The following CCDC85A variants were observed in gnomAD, a reference collection of about 807,000 sequenced individuals.
CCDC85A encodes the protein coiled-coil domain containing 85A, also known as coiled-coil domain-containing protein 85A.
A neutral mutation model predicts 50.2 loss-of-function variants in CCDC85A; 38 were observed. That is an observed-to-expected ratio of 0.76 (90% confidence interval 0.58 to 0.99). The LOEUF (loss-of-function observed/expected upper bound fraction) is 0.99, where lower values mean the gene tolerates loss of function less well. CCDC85A is among the 50% of genes least tolerant of loss of function. The pLI, the probability that CCDC85A is intolerant of heterozygous loss-of-function variation, is 0.00. For synonymous variants in CCDC85A, 366 were observed against 301.4 expected, an observed-to-expected ratio of 1.21 and a Z score of -2.22; for missense variants, 820 against 742.0, an observed-to-expected ratio of 1.11 and a Z score of -1.22.
chr2:56,357,159 T>C (rs1370306841), intron 3 of CCDC85A, among the ~76,000 whole-genome samples: 1 of 152,056 alleles, frequency 6.6e-6, no homozygotes, highest in Non-Finnish European at 1.5e-5. Context: ...CATTGATTCA[T>C]TGATTTTATT....
intron 2 of CCDC85A, among the ~76,000 whole-genome samples, chr2:56,231,593 T>C (rs55907338): frequency 0.02 from 3,092 of 152,250 alleles, 51 homozygotes; most frequent in South Asian, 0.047. Flanking sequence ...TAAAAGAACT[T>C]AGCCTTGGCA....
In CCDC85A at chr2:56,275,463, TTTAACATCATATAGACCTTACACCAGC is replaced by T. The variant is rs1345760573; in HGVS notation, c.1241-67414_1241-67388del. Among the ~76,000 whole-genome samples the T allele has an allele frequency of 4.5e-5, 3 of 66,772 alleles. No homozygotes were observed. The East Asian group carries it at 4.2e-3, about 95-fold the overall frequency. The allele number at this position is 66,772 out of a possible 152,430, so 43.8% of individuals were successfully genotyped here. A position where few individuals can be genotyped will look rare whatever the true frequency, so the allele number is the denominator to read the frequency against. Reference sequence around the variant, plus strand: ...TAAAGAGAATCAGTTACACCAGCTATTTAACATCATATAGACCTTACACCAGCTATTTAACATCATATAGACCACTCA... The same window carrying T: ...TAAAGAGAATCAGTTACACCAGCTATTATTTAACATCATATAGACCACTCA... On this transcript the variant is annotated intron_variant, in intron 2 of 5. Transcript: ENST00000407595.
intron 2 of CCDC85A, among the ~76,000 whole-genome samples, chr2:56,314,437 G>A (rs910428280): frequency 4.6e-5 from 7 of 151,932 alleles, no homozygotes; most frequent in African/African-American, 9.7e-5. Context: ...ATTTTGCAAC[G>A]TATGACTTGT....
chr2:56,214,706 C>T (rs1677321799), intron 2 of CCDC85A, among the ~76,000 whole-genome samples: 1 of 151,840 alleles, frequency 6.6e-6, no homozygotes, highest in Non-Finnish European at 1.5e-5. Context: ...GGGTCTGTTT[C>T]TGAGCTCTGT....
chr2:56,365,678 T>A (rs1180074535), intron 3 of CCDC85A, among the ~76,000 whole-genome samples: 1 of 152,236 alleles, frequency 6.6e-6, no homozygotes, highest in Non-Finnish European at 1.5e-5. Flanking sequence ...GTGTACAACA[T>A]GATGTTTTAA....
At chr2:56,336,979 C>T (rs1674105210) in intron 2 of CCDC85A, among the ~76,000 whole-genome samples, 1 of 152,116 alleles carries the variant, frequency 6.6e-6, no homozygotes, top group East Asian at 1.9e-4. Flanking sequence ...AGTAATGAAA[C>T]ACAATTGTTT....
chr2:56,245,208 A>G (rs913901790), intron 2 of CCDC85A, among the ~76,000 whole-genome samples: 6 of 152,202 alleles, frequency 3.9e-5, no homozygotes, highest in Non-Finnish European at 8.8e-5. Context: ...ACAGTACTTT[A>G]GCCTGCAGTG....
At chr2:56,264,816 A>C (rs1395827863) in intron 2 of CCDC85A, among the ~76,000 whole-genome samples, 2 of 151,984 alleles carry the variant, frequency 1.3e-5, no homozygotes, top group Non-Finnish European at 2.9e-5. Flanking sequence ...CACCTCACTC[A>C]TTCCTCTCCA....
intron 2 of CCDC85A, among the ~76,000 whole-genome samples, chr2:56,205,834 G>C (rs957548935): frequency 1.3e-5 from 2 of 152,182 alleles, no homozygotes; most frequent in Non-Finnish European, 1.5e-5. Context: ...GTCCATGGAA[G>C]GAGGTAAGTA....
chr2:56,238,540 G>C (rs1394551354), intron 2 of CCDC85A, among the ~76,000 whole-genome samples: 2 of 151,984 alleles, frequency 1.3e-5, no homozygotes, highest in African/African-American at 4.8e-5. Context: ...AGCCTGTGTA[G>C]CCCATATTTT....
At chr2:56,266,420 AAT>A (rs1439543897) in intron 2 of CCDC85A, among the ~76,000 whole-genome samples, 2 of 152,164 alleles carry the variant, frequency 1.3e-5, no homozygotes, top group Admixed American at 6.5e-5. Flanking sequence ...AAGCAAACCA[AAT>A]AGCTAAAACA....
chr2:56,336,663 A>G (rs913178447), intron 2 of CCDC85A, among the ~76,000 whole-genome samples: 1 of 152,220 alleles, frequency 6.6e-6, no homozygotes, highest in South Asian at 2.1e-4. Flanking sequence ...TTTCAAGGAT[A>G]GGTGTTCTGT....
chr2:56,377,892 A>G (rs1354851251), intron 5 of CCDC85A, among the ~76,000 whole-genome samples: 1 of 151,960 alleles, frequency 6.6e-6, no homozygotes, highest in East Asian at 1.9e-4. Flanking sequence ...CGTCTCAAAA[A>G]AAAAAAAAAA....
intron 2 of CCDC85A, among the ~76,000 whole-genome samples, chr2:56,290,684 A>G (rs1182485867): frequency 1.3e-5 from 2 of 152,246 alleles, no homozygotes; most frequent in Non-Finnish European, 2.9e-5. Context: ...TTAATGTTTC[A>G]AATTTTATCA....
intron 2 of CCDC85A, among the ~76,000 whole-genome samples, chr2:56,263,509 T>C (rs1388906354): frequency 6.6e-6 from 1 of 152,164 alleles, no homozygotes; most frequent in Non-Finnish European, 1.5e-5. Context: ...CCAGGATATT[T>C]CCAAGAATGG....
intron 2 of CCDC85A, among the ~76,000 whole-genome samples, chr2:56,334,470 A>G (rs1383324986): frequency 1.3e-5 from 2 of 152,238 alleles, no homozygotes; most frequent in African/African-American, 2.4e-5. Flanking sequence ...TAGGTAGAGA[A>G]ATCACAAGAC....
chr2:56,328,878 C>A (rs1421744572), intron 2 of CCDC85A, among the ~76,000 whole-genome samples: 1 of 151,788 alleles, frequency 6.6e-6, no homozygotes, highest in Non-Finnish European at 1.5e-5. Flanking sequence ...TCAGTGGTCA[C>A]CCTCTCTCAT....
At chr2:56,197,240 G>C (rs971638298) in intron 2 of CCDC85A, among the ~76,000 whole-genome samples, 3 of 152,158 alleles carry the variant, frequency 2.0e-5, no homozygotes, top group Non-Finnish European at 2.9e-5. Flanking sequence ...TTTTGGACCA[G>C]ATAATTCTTT....
intron 3 of CCDC85A, among the ~76,000 whole-genome samples, chr2:56,351,115 T>C (rs1674910668): frequency 6.8e-6 from 1 of 146,292 alleles, no homozygotes; most frequent in Admixed American, 6.9e-5. Flanking sequence ...TGGTTTTTTG[T>C]TCTTGCGATA....
Sources: allele counts gnomAD v4.1 joint callset (sites outside exome capture counted in the v4.1 genomes callset), GRCh38; gene constraint gnomAD v4.1.1; transcripts MANE v1.5; gene names NCBI Gene and HGNC (gene_info 2026-07-23, HGNC 2026-07-21).